The following KALRN variants were observed in gnomAD, a reference collection of about 807,000 sequenced individuals.
KALRN encodes kalirin RhoGEF kinase.
Under a neutral mutation model 353.7 loss-of-function variants are expected in KALRN, and 70 were observed. The ratio of observed to expected loss-of-function variants is 0.20; its 90% CI spans 0.16 to 0.24. The LOEUF is 0.24. Among genes scored for constraint, KALRN ranks in the 10% least tolerant of loss-of-function variants. The pLI, the probability that KALRN is intolerant of heterozygous loss-of-function variation, is 1.00. For missense variants in KALRN, 2,791 were observed against 3,756.7 expected, an observed-to-expected ratio of 0.74 and a Z score of 6.72; for synonymous variants, 1,391 against 1,434.8, an observed-to-expected ratio of 0.97 and a Z score of 0.69.
chr3:124,422,420 C>T (rs1410872532), intron 14 of KALRN, among the ~76,000 whole-genome samples: 2 of 152,016 alleles, frequency 1.3e-5, no homozygotes, highest in Non-Finnish European at 2.9e-5. Flanking sequence ...AGTACTGAGA[C>T]AGTCTTTTGG....
chr3:124,524,830 A>G (rs1254936289), intron 33 of KALRN, among the ~76,000 whole-genome samples: 2 of 152,180 alleles, frequency 1.3e-5, no homozygotes, highest in Non-Finnish European at 2.9e-5. Context: ...ACAAGTTTAG[A>G]AAACCAAAAG....
chr3:124,661,817 C>T (rs776785184), intron 44 of KALRN, 34 bp from the exon 45 acceptor site: 28 of 1,540,370 alleles, frequency 1.8e-5, no homozygotes, highest in Non-Finnish European at 2.3e-5. Context: ...GAGTGCTGTT[C>T]CCCCTCCTGA....
intron 1 of KALRN, among the ~76,000 whole-genome samples, chr3:124,184,579 C>G (rs567496038): frequency 6.6e-6 from 1 of 152,290 alleles, no homozygotes; most frequent in Admixed American, 6.5e-5. Context: ...CTGCACATTC[C>G]TGAAGACACA....
At chr3:124,698,233 C>T (rs1175335832) in intron 55 of KALRN, among the ~76,000 whole-genome samples, 1 of 152,256 alleles carries the variant, frequency 6.6e-6, no homozygotes, top group African/African-American at 2.4e-5. Context: ...GCCTCAGCCT[C>T]CGGAAGTGCT....
intron 13 of KALRN, among the ~76,000 whole-genome samples, chr3:124,411,107 T>C (rs1190129134): frequency 6.6e-6 from 1 of 152,162 alleles, no homozygotes; most frequent in Non-Finnish European, 1.5e-5. Flanking sequence ...AAAAAAATTC[T>C]GTAAGATTTC....
intron 3 of KALRN, among the ~76,000 whole-genome samples, chr3:124,238,203 G>A (rs191334711): frequency 2.6e-5 from 4 of 152,198 alleles, no homozygotes; most frequent in African/African-American, 9.6e-5. Context: ...TTGAAGGAAT[G>A]AGGGATGTTT....
At chr3:124,088,985 G>A (rs1252312103) in intron 1 of KALRN, among the ~76,000 whole-genome samples, 2 of 151,460 alleles carry the variant, frequency 1.3e-5, no homozygotes, top group South Asian at 2.1e-4. Flanking sequence ...CAGATATTCT[G>A]ATTTAACAGT....
intron 33 of KALRN, among the ~76,000 whole-genome samples, chr3:124,514,483 G>A (rs899961189): frequency 1.3e-5 from 2 of 152,222 alleles, no homozygotes; most frequent in Non-Finnish European, 2.9e-5. Flanking sequence ...GCAACTAACA[G>A]TAACCACTGC....
chr3:124,108,173 T>C (rs1444219160), intron 1 of KALRN, among the ~76,000 whole-genome samples: 1 of 152,170 alleles, frequency 6.6e-6, no homozygotes, highest in African/African-American at 2.4e-5. Flanking sequence ...TGCCCCTTGC[T>C]ACCTTGGTTC....
Position 124,671,714 on chromosome 3 carries a change from G to C in KALRN, c.6758G>C (p.Arg2253Thr), listed in dbSNP as rs748067012. The change falls in exon 48 of 60, where the codon AGG (arginine) becomes ACG (threonine). Residue 2253 changes from arginine to threonine, a missense_variant. Arg to Thr is a moderately conservative substitution (Grantham distance 71). Around this residue, in one of 11 missense-constraint regions of KALRN, gnomAD observed 1,065 missense variants for 1,156.4 expected, o/e 0.92. Transcript: ENST00000682506. ...AAAGAAAGGAGCACAGCTGTGATGA[G>C]GTCTCAACCTGCCAGGCTTCCCCAA... ...QRKERSTAVMRSQPARLPQAS... is the reference protein window; with the variant it reads ...QRKERSTAVMTSQPARLPQAS... 6.2e-7 allele frequency: 1 copy of C among 1,613,994 alleles called. No individual in the cohort carries two copies.
At chr3:124,239,759 C>A (rs1182290080) in intron 3 of KALRN, among the ~76,000 whole-genome samples, 1 of 152,154 alleles carries the variant, frequency 6.6e-6, no homozygotes, top group Non-Finnish European at 1.5e-5. Flanking sequence ...GGTTTCCTGC[C>A]TCTATTTTCT....
chr3:124,621,655 C>T (rs2079284074), intron 34 of KALRN, among the ~76,000 whole-genome samples: 1 of 152,228 alleles, frequency 6.6e-6, no homozygotes, highest in Admixed American at 6.5e-5. Flanking sequence ...TTTCCTGTTG[C>T]TGTCACCATA....
chr3:124,116,061 A>G (rs1281097306), intron 1 of KALRN, among the ~76,000 whole-genome samples: 2 of 152,260 alleles, frequency 1.3e-5, no homozygotes, highest in Non-Finnish European at 2.9e-5. Context: ...ATGTTTTAGA[A>G]TATCCGTATG....
At chr3:124,060,819 G>A (rs2041939291) in intron 1 of KALRN, among the ~76,000 whole-genome samples, 1 of 152,240 alleles carries the variant, frequency 6.6e-6, no homozygotes, top group Admixed American at 6.5e-5. Context: ...ATTGTGGGGT[G>A]TATGTACCTG....
intron 1 of KALRN, among the ~76,000 whole-genome samples, chr3:124,221,062 C>T (rs371054623): frequency 1.9e-4 from 29 of 152,324 alleles, no homozygotes; most frequent in African/African-American, 5.5e-4. Context: ...GCATCTTTGC[C>T]GATGCCTCCC....
chr3:124,696,577 C>T (rs113216917), intron 54 of KALRN, among the ~76,000 whole-genome samples: 1,566 of 152,248 alleles, frequency 0.01, 20 homozygotes, highest in African/African-American at 0.035. Flanking sequence ...GACAGGGTCT[C>T]GCTATGTTGC....
chr3:124,289,133 G>A (rs1217133032), intron 5 of KALRN, among the ~76,000 whole-genome samples: 2 of 152,168 alleles, frequency 1.3e-5, no homozygotes, highest in Non-Finnish European at 2.9e-5. Flanking sequence ...AAGTGTGCTA[G>A]CTCAGGTTCC....
At chr3:124,311,617 C>T (rs4677923) in intron 6 of KALRN, among the ~76,000 whole-genome samples, 9,323 of 152,186 alleles carry the variant, frequency 0.061, 925 homozygotes, top group East Asian at 0.47. Flanking sequence ...GCCATATGAC[C>T]TAGTAATTCA....
At chr3:124,054,623 C>T (rs926299391) in intron 1 of KALRN, among the ~76,000 whole-genome samples, 6 of 152,154 alleles carry the variant, frequency 3.9e-5, no homozygotes, top group Non-Finnish European at 5.9e-5. Context: ...TTTTGCCTGA[C>T]TCCAGACACC....
Sources: gnomAD v4.1 joint callset for allele counts (sites outside exome capture counted in the v4.1 genomes callset) on GRCh38, gnomAD v4.1.1 for gene constraint, gnomAD v4.1.1 regional missense constraint, MANE v1.5 for transcripts, NCBI Gene and HGNC (gene_info 2026-07-23, HGNC 2026-07-21) for gene names.